NCAM2: variants seen among roughly 807,000 people sequenced by gnomAD.
NCAM2 encodes the protein N-CAM-2.
NCAM2 carries 30 observed loss-of-function variants against 98.1 expected under a neutral mutation model. The ratio of observed to expected loss-of-function variants is 0.31; its 90% CI spans 0.23 to 0.41. NCAM2 has a LOEUF of 0.41. Among genes scored for constraint, NCAM2 ranks in the 10% least tolerant of loss-of-function variants. The pLI, the probability that NCAM2 is intolerant of heterozygous loss-of-function variation, is 1.00. For synonymous variants in NCAM2, 368 were observed against 342.4 expected (o/e 1.07, Z -0.83); for missense variants, 867 against 1,005.8 (o/e 0.86, Z 1.87).
intron 1 of NCAM2, among the ~76,000 whole-genome samples, chr21:21,053,252 T>C (rs958182436): frequency 6.6e-6 from 1 of 152,050 alleles, no homozygotes; most frequent in African/African-American, 2.4e-5. Flanking sequence ...TTATAAAAAT[T>C]TGTGGCGACA....
At chr21:21,508,437 G>T (rs924082972) in intron 15 of NCAM2, among the ~76,000 whole-genome samples, 9 of 151,902 alleles carry the variant, frequency 5.9e-5, no homozygotes, top group Non-Finnish European at 1.2e-4. Context: ...CAGAAGTTTT[G>T]ATTATAATTT....
At chr21:21,125,019 A>C (rs969844144) in intron 1 of NCAM2, among the ~76,000 whole-genome samples, 2 of 152,128 alleles carry the variant, frequency 1.3e-5, no homozygotes, top group Non-Finnish European at 2.9e-5. Context: ...AAAGGTAATA[A>C]ATGCTCAAAA....
Position 21,539,759 on chromosome 21 carries a change from T to C in NCAM2, c.*1802T>C, listed in dbSNP as rs1050869692. 5.9e-5 allele frequency: 9 copies of C among 152,174 alleles called. No individual in the cohort carries two copies. Among genetic ancestry groups the C allele is most frequent in the African/African-American group, 1.9e-4 (8 of 41,458 alleles). 9.4% of individuals were successfully genotyped at this position (152,174 alleles called of 1,614,324 possible). On this transcript the variant is annotated 3_prime_UTR_variant, in exon 18 of 18. Coordinates refer to ENST00000400546, the MANE Select transcript of NCAM2 (RefSeq NM_004540.5). ...AAGAAAAGAACAGAATTCTTGTGCC[T>C]ACCTAAGAATTTGAGTAGTGTCTAA...
At chr21:21,017,064 C>T (rs765266473) in intron 1 of NCAM2, among the ~76,000 whole-genome samples, 4 of 152,116 alleles carry the variant, frequency 2.6e-5, no homozygotes, top group Non-Finnish European at 4.4e-5. Context: ...AGGAGAATAA[C>T]ATTTTCAAGT....
chr21:21,468,027 T>C (rs1983951117), intron 13 of NCAM2, among the ~76,000 whole-genome samples: 2 of 152,044 alleles, frequency 1.3e-5, no homozygotes, highest in African/African-American at 4.8e-5. Flanking sequence ...ATCCCTGTTC[T>C]ATTCAAAACA....
At chr21:21,404,219 T>C (rs2076690595) in intron 9 of NCAM2, among the ~76,000 whole-genome samples, 1 of 152,170 alleles carries the variant, frequency 6.6e-6, no homozygotes, top group African/African-American at 2.4e-5. Flanking sequence ...GTAGAGTGAA[T>C]ATATGTGTGT....
At chr21:21,280,982 G>T (rs1159907228) in intron 2 of NCAM2, among the ~76,000 whole-genome samples, 1 of 151,884 alleles carries the variant, frequency 6.6e-6, no homozygotes, top group Non-Finnish European at 1.5e-5. Flanking sequence ...GTAGAGACGG[G>T]GTTTCACCAT....
chr21:21,248,448 G>GA (rs1323949467), intron 1 of NCAM2, among the ~76,000 whole-genome samples: 2 of 151,668 alleles, frequency 1.3e-5, no homozygotes, highest in Non-Finnish European at 2.9e-5. Flanking sequence ...TGAAACACAG[G>GA]AAAAAATTGT....
intron 8 of NCAM2, among the ~76,000 whole-genome samples, chr21:21,362,793 CTA>C: frequency 6.6e-6 from 1 of 152,188 alleles, no homozygotes; most frequent in South Asian, 2.1e-4. Context: ...ATATGATAGA[CTA>C]TTGATTTTTA....
chr21:21,075,079 A>T (rs965039008), intron 1 of NCAM2, among the ~76,000 whole-genome samples: 3 of 152,182 alleles, frequency 2.0e-5, no homozygotes, highest in Non-Finnish European at 4.4e-5. Context: ...CAGCAAACTA[A>T]CACAGGGACA....
At chr21:21,088,957 C>T (rs538017178) in intron 1 of NCAM2, among the ~76,000 whole-genome samples, 9 of 143,242 alleles carry the variant, frequency 6.3e-5, no homozygotes, top group South Asian at 4.6e-4. Flanking sequence ...GGCGACAGAG[C>T]GAAACTCTGT....
rs975247163 is a variant in NCAM2, at chr21:21,142,743, G to T, written c.56-137835G>T. On this transcript the variant is annotated intron_variant, in intron 1 of 17. Coordinates refer to ENST00000400546, the MANE Select transcript of NCAM2 (RefSeq NM_004540.5). Reference sequence around the variant, plus strand: ...TGTGGTTTCTGGGTCAAAAAGCAAAGTGCATATAATAAAGTTGTATATTAA... The same window carrying T: ...TGTGGTTTCTGGGTCAAAAAGCAAATTGCATATAATAAAGTTGTATATTAA... Among the ~76,000 whole-genome samples the T allele has an allele frequency of 4.6e-5, 7 of 152,126 alleles. No individual in the cohort carries two copies. In the East Asian group the frequency reaches 1.2e-3, roughly 25 times the overall value.
intron 5 of NCAM2, among the ~76,000 whole-genome samples, chr21:21,317,004 G>T (rs2826788): frequency 0.32 from 48,229 of 151,918 alleles, 8,418 homozygotes; most frequent in African/African-American, 0.46. Flanking sequence ...CAATCAGCCT[G>T]CTTTGGAAAC....
chr21:21,147,150 G>C, intron 1 of NCAM2: 1 of 941,890 alleles, frequency 1.1e-6, no homozygotes, highest in Non-Finnish European at 1.2e-6. Flanking sequence ...CTGAAATCTC[G>C]CGCCCTGTCC....
intron 12 of NCAM2, among the ~76,000 whole-genome samples, chr21:21,462,712 G>A (rs756232062): frequency 8.6e-5 from 13 of 151,734 alleles, no homozygotes; most frequent in South Asian, 2.1e-4. Flanking sequence ...GTGATAAAGC[G>A]TTATTTCTAA....
intron 11 of NCAM2, among the ~76,000 whole-genome samples, chr21:21,421,713 A>T (rs1032057489): frequency 2.0e-5 from 3 of 152,176 alleles, no homozygotes; most frequent in African/African-American, 7.2e-5. Context: ...ATATATGAGG[A>T]TACCACAGTT....
In NCAM2 at chr21:21,281,191, A is replaced by T. The variant is rs2072916692; in HGVS notation, c.130+539A>T. On this transcript the variant is annotated intron_variant, in intron 2 of 17. Coordinates refer to ENST00000400546, the MANE Select transcript of NCAM2 (RefSeq NM_004540.5). ...GTTAATTTGTTAATTTAGACTGCTA[A>T]TCTAGATCATTTATTTTGAAAATAC... is the stretch of plus-strand genomic sequence containing the variant. Among the ~76,000 whole-genome samples, 4 of 152,274 alleles carry T rather than the reference A, an allele frequency of 2.6e-5. No individual in the cohort carries two copies. In the South Asian group the frequency reaches 8.3e-4, roughly 32 times the overall value.
intron 1 of NCAM2, among the ~76,000 whole-genome samples, chr21:21,086,209 T>G (rs1013368745): frequency 6.6e-6 from 1 of 152,210 alleles, no homozygotes. Flanking sequence ...ATGTGTCACC[T>G]AATATCACTG....
At chr21:21,106,749 G>T (rs112635243) in intron 1 of NCAM2, among the ~76,000 whole-genome samples, 5,389 of 151,820 alleles carry the variant, frequency 0.035, 121 homozygotes, top group Non-Finnish European at 0.042. Context: ...ATGTAGGAAA[G>T]AAAAAAGAAT....
Sources: allele counts gnomAD v4.1 joint callset (sites outside exome capture counted in the v4.1 genomes callset), GRCh38; gene constraint gnomAD v4.1.1; transcripts MANE v1.5; gene names NCBI Gene and HGNC (gene_info 2026-07-23, HGNC 2026-07-21).